AKAP9: variants seen among roughly 807,000 people sequenced by gnomAD.
The protein encoded by AKAP9 is A-kinase anchor protein 9.
Under a neutral mutation model 488.5 loss-of-function variants are expected in AKAP9, and 311 were observed. The observed-to-expected ratio is 0.64, with a 90% CI of 0.58 to 0.70. AKAP9 has a LOEUF of 0.70. Ranked by LOEUF, AKAP9 falls within the 30% of genes least tolerant of loss-of-function variation. The pLI, the probability that AKAP9 is intolerant of heterozygous loss-of-function variation, is 0.00. For synonymous variants in AKAP9, 1,462 were observed against 1,483.5 expected (o/e 0.99, Z 0.33); for missense variants, 4,215 against 4,374.5 (o/e 0.96, Z 1.03).
Position 92,070,949 on chromosome 7 carries a change from A to T in AKAP9, c.6552A>T (p.Glu2184Asp), listed in dbSNP as rs1328036501. 4 of 1,613,986 alleles carry T rather than the reference A, an allele frequency of 2.5e-6. No individual in the cohort carries two copies. The highest frequency in any genetic ancestry group is 3.4e-6 in the Non-Finnish European group (4 of 1,179,984). ...TTGGAGCTGTAGAAGCTAAACCAGA[A>T]TTGTCCCTAGAAGTACAATTGCAGG... is the stretch of plus-strand genomic sequence containing the variant. ...KHFGAVEAKP[E>D]LSLEVQLQAE... The change falls in exon 28 of 50, where the codon GAA becomes GAT. Residue 2184 changes from glutamate (E) to aspartate (D), a missense_variant. By Grantham distance (45) the Glu-to-Asp change is conservative. Transcript: ENST00000356239.
intron 1 of AKAP9, among the ~76,000 whole-genome samples, chr7:91,953,112 A>G (rs1452916426): frequency 5.3e-5 from 8 of 152,262 alleles, no homozygotes; most frequent in Non-Finnish European, 8.8e-5. Flanking sequence ...GAAAGTACAA[A>G]TGACAGACAG....
intron 28 of AKAP9, among the ~76,000 whole-genome samples, chr7:92,073,232 C>T (rs1242999501): frequency 1.3e-5 from 2 of 151,912 alleles, no homozygotes; most frequent in African/African-American, 4.8e-5. Context: ...CGTGGTGACT[C>T]ACGCCTGTAA....
At chr7:92,073,865 C>A (rs1812135336) in intron 28 of AKAP9, among the ~76,000 whole-genome samples, 1 of 152,142 alleles carries the variant, frequency 6.6e-6, no homozygotes, top group Non-Finnish European at 1.5e-5. Context: ...AAGTCTTACA[C>A]AAAAATTAAC....
rs1284388996 is a variant in AKAP9, at chr7:91,994,787, C to G, written c.732+11C>G. 3 of 1,600,424 alleles carry G rather than the reference C, an allele frequency of 1.9e-6. No individual in the cohort carries two copies. The highest frequency in any genetic ancestry group is 2.6e-6 in the Non-Finnish European group (3 of 1,171,642). Reference sequence around the variant, plus strand: ...ATTCAATTTCAGCAAGTAAGTATTACTAATGCAACAAAATTCATTATTTTT... The same window carrying G: ...ATTCAATTTCAGCAAGTAAGTATTAGTAATGCAACAAAATTCATTATTTTT... On this transcript the variant is annotated intron_variant, in intron 6 of 49. Coordinates refer to ENST00000356239, the MANE Select transcript of AKAP9 (RefSeq NM_005751.5).
chr7:92,068,599 A>AT (rs367962414), intron 26 of AKAP9, among the ~76,000 whole-genome samples: 69 of 148,618 alleles, frequency 4.6e-4, no homozygotes, highest in Non-Finnish European at 7.3e-4. Flanking sequence ...TGCATGTTTG[A>AT]TTTTTTTTTT....
chr7:92,009,509 T>C (rs1800397726), intron 8 of AKAP9, among the ~76,000 whole-genome samples: 1 of 152,100 alleles, frequency 6.6e-6, no homozygotes, highest in Non-Finnish European at 1.5e-5. Flanking sequence ...ACCAGAAATA[T>C]TAGACTGAGA....
At chr7:91,976,926 T>C (rs1427998305) in intron 2 of AKAP9, among the ~76,000 whole-genome samples, 1 of 152,222 alleles carries the variant, frequency 6.6e-6, no homozygotes, top group African/African-American at 2.4e-5. Flanking sequence ...TAGATTTTAT[T>C]TCCTTTAGTT....
intron 8 of AKAP9, among the ~76,000 whole-genome samples, chr7:92,004,376 G>A (rs911374721): frequency 1.2e-4 from 18 of 152,290 alleles, no homozygotes; most frequent in African/African-American, 4.1e-4. Context: ...TTCCTGATGG[G>A]AATGGCATTG....
chr7:92,028,558 G>T (rs1445995101), intron 14 of AKAP9, among the ~76,000 whole-genome samples: 1 of 152,058 alleles, frequency 6.6e-6, no homozygotes, highest in Non-Finnish European at 1.5e-5. Context: ...GCATGGGATG[G>T]TCATAGAACA....
chr7:92,037,854 A>G (rs1348654401), intron 16 of AKAP9, among the ~76,000 whole-genome samples: 2 of 152,370 alleles, frequency 1.3e-5, no homozygotes, highest in African/African-American at 4.8e-5. Context: ...AATGTCCAAT[A>G]TAGAGAATTG....
chr7:92,064,541 A>G (rs954566667), intron 24 of AKAP9, among the ~76,000 whole-genome samples: 2 of 152,146 alleles, frequency 1.3e-5, no homozygotes, highest in Non-Finnish European at 2.9e-5. Context: ...ACTAAAGGAC[A>G]TCATCATAAC....
intron 10 of AKAP9, among the ~76,000 whole-genome samples, chr7:92,015,077 T>C (rs1403565921): frequency 6.6e-6 from 1 of 152,178 alleles, no homozygotes; most frequent in Non-Finnish European, 1.5e-5. Context: ...TTTAATAAAC[T>C]TAATTATTAA....
intron 1 of AKAP9, among the ~76,000 whole-genome samples, chr7:91,961,830 T>G (rs1562900195): frequency 6.6e-6 from 1 of 151,490 alleles, no homozygotes; most frequent in African/African-American, 2.4e-5. Flanking sequence ...GGCAACAGAG[T>G]GAGACTCCGT....
In AKAP9 at chr7:92,096,773, G is replaced by A. The variant is rs771303714; in HGVS notation, c.9814G>A (p.Glu3272Lys). Residue 3272 changes from glutamate to lysine, a missense_variant, in exon 41 of 50, where the codon GAA becomes AAA. Glu to Lys is a moderately conservative substitution (Grantham distance 56, BLOSUM62 1). Transcript: ENST00000356239. ...LLEQQKQLLN[E>K]SQQKIESQRM... ...GGAACAACAGAAACAACTACTGAAC[G>A]AATCCCAGCAAAAAATAGAATCACA... 8 of 1,614,024 alleles carry A rather than the reference G, an allele frequency of 5.0e-6. No homozygotes were observed. The highest frequency in any genetic ancestry group is 2.7e-5 in the African/African-American group (2 of 74,906).
At chr7:91,996,782 G>A (rs575481565) in intron 7 of AKAP9, among the ~76,000 whole-genome samples, 8 of 152,296 alleles carry the variant, frequency 5.3e-5, no homozygotes, top group African/African-American at 1.7e-4. Context: ...TCTGCAAGAG[G>A]TTGAGAAATT....
chr7:92,017,097 A>G lies in AKAP9; in HGVS notation c.3832A>G (p.Ser1278Gly), dbSNP rs1228989121. The G allele has an allele frequency of 2.6e-6, 4 of 1,567,106 alleles. No homozygotes were observed. Among genetic ancestry groups the G allele is most frequent in the Non-Finnish European group, 3.5e-6 (4 of 1,143,342 alleles). The change falls in exon 12 of 50, where the codon AGC (serine) becomes GGC (glycine). Residue 1278 changes from serine to glycine, a missense_variant. Ser to Gly is a moderately conservative substitution (Grantham distance 56). Around this residue, in one of 5 missense-constraint regions of AKAP9, gnomAD observed 2,361 missense variants for 2,430.0 expected, o/e 0.97. Coordinates refer to ENST00000356239, the MANE Select transcript of AKAP9 (RefSeq NM_005751.5). ...NKLLVLQTRL[S>G]KIWGQQTDGM... ...ACTCTTGGTACTTCAAACACGACTA[A>G]GCAAGGTCTGTGAGATGGAAAATAT...
chr7:91,972,088 C>G (rs559851998), intron 1 of AKAP9, among the ~76,000 whole-genome samples: 1 of 140,900 alleles, frequency 7.1e-6, no homozygotes, highest in Admixed American at 7.6e-5. Context: ...TTCTAGTAAA[C>G]AATCAGTGTT....
chr7:92,107,187 T>C, intron 47 of AKAP9, 106 bp from the exon 48 acceptor site: 1 of 1,076,136 alleles, frequency 9.3e-7, no homozygotes, highest in Non-Finnish European at 1.4e-6. Flanking sequence ...TAGGAGATTG[T>C]ATAATATAGT....
chr7:92,039,111 G>A (rs1246263822), intron 17 of AKAP9, among the ~76,000 whole-genome samples: 1 of 152,120 alleles, frequency 6.6e-6, no homozygotes, highest in East Asian at 1.9e-4. Flanking sequence ...TTACCATGTT[G>A]GACAGGATGG....
Sources: allele counts gnomAD v4.1 joint callset (sites outside exome capture counted in the v4.1 genomes callset), GRCh38; gene constraint gnomAD v4.1.1; regional missense constraint gnomAD v4.1.1; transcripts MANE v1.5; gene names NCBI Gene and HGNC (gene_info 2026-07-23, HGNC 2026-07-21).